PACS1: variants seen among roughly 807,000 people sequenced by gnomAD.
The protein encoded by PACS1 is phosphofurin acidic cluster sorting protein 1, also known as PACS-1.
In PACS1, 24 loss-of-function variants were observed where a neutral mutation model predicts 115.0. That is an observed-to-expected ratio of 0.21 (90% confidence interval 0.15 to 0.29). The LOEUF is 0.29. Ranked by LOEUF, PACS1 falls within the 10% of genes least tolerant of loss-of-function variation. PACS1 has a pLI of 1.00. For synonymous variants in PACS1, 453 were observed against 504.5 expected (o/e 0.90, Z 1.37); for missense variants, 838 against 1,251.2 (o/e 0.67, Z 4.98).
chr11:66,130,732 T>C (rs538402795), intron 1 of PACS1, among the ~76,000 whole-genome samples: 2 of 152,208 alleles, frequency 1.3e-5, no homozygotes, highest in Non-Finnish European at 2.9e-5. Flanking sequence ...TTTATTTGCC[T>C]GTTCCCCTAA....
At chr11:66,222,670 C>T (rs1456895385) in intron 10 of PACS1, among the ~76,000 whole-genome samples, 2 of 152,180 alleles carry the variant, frequency 1.3e-5, no homozygotes, top group Admixed American at 6.5e-5. Flanking sequence ...GAAGCCTACT[C>T]ATGGTTCACC....
At chr11:66,142,021 G>A (rs941311281) in intron 1 of PACS1, among the ~76,000 whole-genome samples, 12 of 152,100 alleles carry the variant, frequency 7.9e-5, no homozygotes, top group African/African-American at 2.7e-4. Flanking sequence ...TGGCCTCTGG[G>A]CTGGTCTCAA....
intron 1 of PACS1, among the ~76,000 whole-genome samples, chr11:66,178,392 T>C (rs1282285661): frequency 2.0e-5 from 3 of 152,198 alleles, no homozygotes. Flanking sequence ...GCAGTAATTC[T>C]TTCCTTTTCA....
chr11:66,091,687 A>G (rs1461062067), intron 1 of PACS1, among the ~76,000 whole-genome samples: 1 of 150,552 alleles, frequency 6.6e-6, no homozygotes, highest in Non-Finnish European at 1.5e-5. Flanking sequence ...CCACCCCACA[A>G]CAGTCCCCAG....
chr11:66,154,674 T>A (rs571727714), intron 1 of PACS1, among the ~76,000 whole-genome samples: 1 of 152,328 alleles, frequency 6.6e-6, no homozygotes, highest in African/African-American at 2.4e-5. Context: ...TATGTAAAAC[T>A]TACATACTGA....
Position 66,235,200 on chromosome 11 carries a change from A to G in PACS1, c.2105-101A>G. 1.2e-6 allele frequency: 1 copy of G among 800,234 alleles called. No homozygotes were observed. Among genetic ancestry groups the G allele is most frequent in the East Asian group, 2.5e-5 (1 of 39,828 alleles). The allele number at this position is 800,234 out of a possible 1,614,324, so 49.6% of individuals were successfully genotyped here. A position where few individuals can be genotyped will look rare whatever the true frequency, so the allele number is the denominator to read the frequency against. The stretch of plus-strand genomic sequence containing the variant: ...GAGCCCCATCCTTCACTCAACTCCT[A>G]GAGTCTGACGGGTCTCAGGAAGGGA... On this transcript the variant is annotated intron_variant, in intron 17 of 23. Transcript: ENST00000320580. The surrounding 1 kb of genome is among the most constrained non-coding windows in gnomAD (Gnocchi z 5.6).
intron 1 of PACS1, among the ~76,000 whole-genome samples, chr11:66,169,742 T>C (rs1463018108): frequency 6.7e-6 from 1 of 150,180 alleles, no homozygotes; most frequent in African/African-American, 2.5e-5. Flanking sequence ...TTTGTTTTGC[T>C]AATATTTTGT....
chr11:66,086,880 G>A (rs1231668965), intron 1 of PACS1, among the ~76,000 whole-genome samples: 1 of 152,178 alleles, frequency 6.6e-6, no homozygotes, highest in Non-Finnish European at 1.5e-5. Context: ...GCCTCCCAAA[G>A]TGCTGGGATT....
intron 1 of PACS1, among the ~76,000 whole-genome samples, chr11:66,172,307 C>G (rs1452571003): frequency 6.6e-6 from 1 of 152,164 alleles, no homozygotes; most frequent in Non-Finnish European, 1.5e-5. Flanking sequence ...ACGCCCACAC[C>G]GAAGAGGGCT....
intron 19 of PACS1, 130 bp from the exon 20 acceptor site, chr11:66,238,674 C>G: frequency 2.2e-6 from 2 of 896,078 alleles, no homozygotes; most frequent in Non-Finnish European, 3.5e-6. Context: ...CCCAGATTTG[C>G]AAAGATTTTA....
intron 1 of PACS1, among the ~76,000 whole-genome samples, chr11:66,126,112 A>T (rs544637885): frequency 7.3e-5 from 11 of 151,022 alleles, no homozygotes; most frequent in Middle Eastern, 6.8e-3. Flanking sequence ...AGTCCACTTT[A>T]TGTGTTAGTG....
chr11:66,228,722 T>G (rs750551230), intron 11 of PACS1, among the ~76,000 whole-genome samples: 28 of 152,162 alleles, frequency 1.8e-4, no homozygotes, highest in Non-Finnish European at 1.0e-4. Context: ...GAGGGTGACG[T>G]CAGCATACCT....
chr11:66,094,310 A>C (rs1326273830), intron 1 of PACS1, among the ~76,000 whole-genome samples: 1 of 151,006 alleles, frequency 6.6e-6, no homozygotes, highest in African/African-American at 2.4e-5. Flanking sequence ...AAGACTAATA[A>C]AGAAAAAAAG....
chr11:66,242,833 A>G (rs1375921293), intron 22 of PACS1, 79 bp from the exon 23 acceptor site: 32 of 1,589,926 alleles, frequency 2.0e-5, no homozygotes, highest in Non-Finnish European at 2.7e-5. Context: ...CACAGGAAGA[A>G]GGGGACAGTC....
chr11:66,147,736 G>A (rs1043767077), intron 1 of PACS1, among the ~76,000 whole-genome samples: 2 of 152,082 alleles, frequency 1.3e-5, no homozygotes, highest in African/African-American at 4.8e-5. Context: ...TGGGAGGGAA[G>A]TGGGTTAGTT....
In PACS1 at chr11:66,149,085, A is replaced by G. The variant is rs1054774402; in HGVS notation, c.357-44401A>G. Among the ~76,000 whole-genome samples the G allele has an allele frequency of 7.2e-5, 10 of 138,534 alleles. No homozygotes were observed. In the East Asian group the frequency reaches 2.2e-3, roughly 31 times the overall value. The allele number at this position is 138,534 out of a possible 152,430, so 90.9% of individuals were successfully genotyped here. ...TATGTGTGAGCATGTGCACATGCAC[A>G]CGCACTTTTTTTTTTTTTTTTTTTT... On this transcript the variant is annotated intron_variant, in intron 1 of 23. Transcript: ENST00000320580.
At chr11:66,213,862 T>C (rs946248655) in intron 4 of PACS1, among the ~76,000 whole-genome samples, 2 of 151,720 alleles carry the variant, frequency 1.3e-5, no homozygotes, top group African/African-American at 4.8e-5. Flanking sequence ...TGAAACCCCA[T>C]CTCTACTAAA....
chr11:66,179,751 G>C (rs1441511474), intron 1 of PACS1, among the ~76,000 whole-genome samples: 1 of 152,152 alleles, frequency 6.6e-6, no homozygotes, highest in African/African-American at 2.4e-5. Context: ...AAATTAACTT[G>C]AACCATAGGT....
At chr11:66,189,558 G>A (rs571958958) in intron 1 of PACS1, among the ~76,000 whole-genome samples, 1 of 152,272 alleles carries the variant, frequency 6.6e-6, no homozygotes, top group East Asian at 1.9e-4. Context: ...TTCCCGCTGC[G>A]CTGTGTAGCC....
Sources: gnomAD v4.1 joint callset for allele counts (sites outside exome capture counted in the v4.1 genomes callset) on GRCh38, gnomAD v4.1.1 for gene constraint, Gnocchi (gnomAD v3.1) non-coding constraint, MANE v1.5 for transcripts, NCBI Gene and HGNC (gene_info 2026-07-23, HGNC 2026-07-21) for gene names.